The following ZNF44 variants were observed in gnomAD, a reference collection of about 807,000 sequenced individuals.
ZNF44 encodes zinc finger protein 44.
A neutral mutation model predicts 11.7 loss-of-function variants in ZNF44; 9 were observed. The ratio of observed to expected loss-of-function variants is 0.77; its 90% confidence interval spans 0.46 to 1.35. ZNF44 has a LOEUF of 1.35. Among genes scored for constraint, ZNF44 ranks in the 40% most tolerant of loss-of-function variants. ZNF44 has a pLI of 0.00. For synonymous variants in ZNF44, 224 were observed against 242.7 expected (o/e 0.92, Z 0.72); for missense variants, 696 against 743.1 (o/e 0.94, Z 0.74).
chr19:12,259,927 G>A (rs182065253), intron 5 of ZNF44, among the ~76,000 whole-genome samples: 23 of 152,252 alleles, frequency 1.5e-4, no homozygotes, highest in African/African-American at 5.1e-4. Flanking sequence ...TCTAATGGCT[G>A]CTGTTCCCCA....
In ZNF44 at chr19:12,272,991, C is replaced by A. The variant is rs763823999; in HGVS notation, c.1264G>T (p.Glu422Ter). The A allele has an allele frequency of 9.9e-6, 16 of 1,613,156 alleles. No individual in the cohort carries two copies. The highest frequency in any genetic ancestry group is 1.4e-5 in the Non-Finnish European group (16 of 1,179,770). The change falls in exon 4 of 4, where the codon GAA becomes TAA. Residue 422 changes from glutamate (E) to a stop codon, truncating the protein, a stop_gained. Transcript: ENST00000355684. LOFTEE classifies it low-confidence loss of function (END_TRUNC). ...ERTHTGEKPY[E>*]CKQCGKAFRT... ...AAGGCTTTCCCACATTGCTTGCATT[C>A]ATAGGGTTTCTCTCCAGTGTGAGTC...
In ZNF44 at chr19:12,278,474, C is replaced by T. The variant is rs2138204; in HGVS notation, c.4-2392G>A. Among the ~76,000 whole-genome samples the T allele has an allele frequency of 1.3e-3, 194 of 152,252 alleles. 1 individual carries two copies. Among genetic ancestry groups the T allele is most frequent in the African/African-American group, 4.3e-3 (180 of 41,552 alleles). ...TAGTGCCGCTGGGTTAGGCTCTCCA[C>T]GACTGAGCTGGTCTCGGCACCAAGG... On this transcript the variant is annotated intron_variant, in intron 1 of 3. Coordinates refer to ENST00000355684, the MANE Select transcript of ZNF44 (RefSeq NM_016264.4).
At position 12,273,940 on chromosome 19, in the gene ZNF44, G is replaced by A; in HGVS notation, c.315C>T (p.Ser105=). The A allele has an allele frequency of 6.2e-7, 1 of 1,614,104 alleles. No individual in the cohort carries two copies. The highest frequency in any genetic ancestry group is 8.5e-7 in the Non-Finnish European group (1 of 1,180,028). ...NTPARVDACG[S]SVNGEVIMGH... ...CCATTATGACTTCTCCATTCACACT[G>A]CTTCCACATGCATCTACTCTGGCGG... Residue 105 remains serine, a synonymous_variant, in exon 4 of 4, where the codon AGC becomes AGT. Coordinates refer to ENST00000355684, the MANE Select transcript of ZNF44 (RefSeq NM_016264.4).
At chr19:12,269,818 G>A (rs1000001927), downstream of ZNF44, among the ~76,000 whole-genome samples, 1 of 151,566 alleles carries the variant, frequency 6.6e-6, no homozygotes, top group African/African-American at 2.4e-5. Context: ...CACCAAAGTT[G>A]TATATATATA....
At position 12,273,783 on chromosome 19, in the gene ZNF44, T is replaced by C. The variant is rs762155644; in HGVS notation, c.472A>G (p.Thr158Ala). ...TTTCCAGTGTGAGGCCTTTCACATG[T>C]TTGAAAGGAGTGGCGATAACTTAAG... The part of the protein sequence containing the change: ...KGLSYRHSFQ[T>A]CERPHTGKKP... Residue 158 changes from threonine to alanine, a missense_variant, in exon 4 of 4, where the codon ACA (threonine) becomes GCA (alanine). Coordinates refer to ENST00000355684, the MANE Select transcript of ZNF44 (RefSeq NM_016264.4). 14 of 1,614,202 alleles carry C rather than the reference T, an allele frequency of 8.7e-6. No individual in the cohort carries two copies. Among genetic ancestry groups the C allele is most frequent in the South Asian group, 1.1e-5 (1 of 91,084 alleles).
chr19:12,289,417 C>T (rs1032858901), intron 1 of ZNF44, among the ~76,000 whole-genome samples: 4 of 152,082 alleles, frequency 2.6e-5, no homozygotes, highest in Non-Finnish European at 4.4e-5. Context: ...AAACACAACC[C>T]CTCCTTCATG....
downstream of ZNF44, chr19:12,247,351 A>C (rs1226752211): frequency 2.1e-5 from 27 of 1,295,546 alleles, no homozygotes; most frequent in Non-Finnish European, 2.5e-5. Flanking sequence ...CAATCCTTAC[A>C]TTTATAAGGT....
At chr19:12,274,578 T>A (rs2145728871) in intron 3 of ZNF44, among the ~76,000 whole-genome samples, 1 of 151,390 alleles carries the variant, frequency 6.6e-6, no homozygotes, top group Non-Finnish European at 1.5e-5. Flanking sequence ...CTGGCCTTTT[T>A]TTTTTTTTTA....
chr19:12,260,607 A>G (rs1300338764), intron 5 of ZNF44: 11 of 618,458 alleles, frequency 1.8e-5, no homozygotes, highest in Non-Finnish European at 2.9e-5. Flanking sequence ...CCCGCAAAAA[A>G]CAAAAACAAA....
At chr19:12,266,887 C>T (rs1917752879), downstream of ZNF44, among the ~76,000 whole-genome samples, 1 of 152,100 alleles carries the variant, frequency 6.6e-6, no homozygotes, top group Admixed American at 6.6e-5. Context: ...ATCCTCGTGC[C>T]TCAGAGCAGG....
At chr19:12,294,578 A>G in intron 1 of ZNF44, 114 bp downstream of exon 1, 6 of 1,408,358 alleles carry the variant, frequency 4.3e-6, no homozygotes, top group Non-Finnish European at 4.8e-6. Context: ...GGGGGCGCTC[A>G]GGTCCCAGAC....
Position 12,263,904 on chromosome 19 carries a change from G to A in ZNF44, c.1912+8583C>T, listed in dbSNP as rs184588640. On this transcript the variant is annotated intron_variant and NMD_transcript_variant, in intron 5 of 7. Transcript: ENST00000393337. ...GGCACCACTGCACTCCAGCCTGGGC[G>A]ATAGAGCGAGACTCCGTCTCAAAAA... 4.5e-3 allele frequency among the ~76,000 whole-genome samples: 655 copies of A among 144,036 alleles called. 2 individuals are homozygous for A. The highest frequency in any genetic ancestry group is 0.011 in the Middle Eastern group (3 of 262). 94.5% of individuals were successfully genotyped at this position (144,036 alleles called of 152,430 possible).
intron 3 of ZNF44, among the ~76,000 whole-genome samples, chr19:12,274,638 C>A (rs940789123): frequency 6.7e-6 from 1 of 150,236 alleles, no homozygotes; most frequent in Non-Finnish European, 1.5e-5. Context: ...AGTGCCATCA[C>A]AGATCACTGC....
At chr19:12,239,688 C>A (rs1252278133), upstream of ZNF44, among the ~76,000 whole-genome samples, 2 of 151,230 alleles carry the variant, frequency 1.3e-5, no homozygotes, top group Non-Finnish European at 2.9e-5. Context: ...ATTCTCCTGC[C>A]TCAGCCTCCT....
At chr19:12,291,758 G>A (rs998693326) in intron 1 of ZNF44, among the ~76,000 whole-genome samples, 9 of 152,004 alleles carry the variant, frequency 5.9e-5, no homozygotes, top group Admixed American at 2.0e-4. Context: ...TTCATTGGCC[G>A]AGGCGGGAGG....
downstream of ZNF44, among the ~76,000 whole-genome samples, chr19:12,268,131 TACACACACACACAGACAC>T (rs1917799248): frequency 1.9e-5 from 2 of 106,704 alleles, no homozygotes; most frequent in Admixed American, 1.8e-4. Flanking sequence ...TTGGTGTTCT[TACACACACACACAGACAC>T]ACACACACAC....
In ZNF44 at chr19:12,274,955, C is replaced by G. The variant is rs763826055; in HGVS notation, c.191+18G>C. On this transcript the variant is annotated intron_variant, in intron 3 of 3. Coordinates refer to ENST00000355684, the MANE Select transcript of ZNF44 (RefSeq NM_016264.4). ...AACACTGCAAGGACATCACCTGTCTCTTATAAGTACAAATTACCTTGGATT... is the reference window on the plus strand; with the variant it reads ...AACACTGCAAGGACATCACCTGTCTGTTATAAGTACAAATTACCTTGGATT... 1 of 1,569,570 alleles carries G rather than the reference C, an allele frequency of 6.4e-7. No homozygotes were observed.
intron 2 of ZNF44, among the ~76,000 whole-genome samples, chr19:12,232,334 C>G (rs1916198302): frequency 6.6e-6 from 1 of 152,128 alleles, no homozygotes; most frequent in Non-Finnish European, 1.5e-5. Context: ...AGAGGCATGC[C>G]TTCCTCTTTT....
rs1184313686 is a variant in ZNF44 at position 12,253,838 on chromosome 19, G to GCC, written c.1913-3471_1913-3470insGG. Among the ~76,000 whole-genome samples, 4 of 152,006 alleles carry GCC rather than the reference G, an allele frequency of 2.6e-5. No homozygotes were observed. In the East Asian group the frequency reaches 7.7e-4, roughly 29 times the overall value. ...TACTTAAAATACAAAAATTAGCCAGGCGTGGTGGCAGGTGCCTGTAATCCC... is the reference window on the plus strand; with the variant it reads ...TACTTAAAATACAAAAATTAGCCAGGCCCGTGGTGGCAGGTGCCTGTAATCCC... On this transcript the variant is annotated intron_variant and NMD_transcript_variant, in intron 5 of 7. Transcript: ENST00000393337.
Sources: allele counts gnomAD v4.1 joint callset (sites outside exome capture counted in the v4.1 genomes callset), GRCh38; gene constraint gnomAD v4.1.1; transcripts MANE v1.5; gene names NCBI Gene and HGNC (gene_info 2026-07-23, HGNC 2026-07-21).